The following IER3IP1 variants were observed in gnomAD, a reference collection of about 807,000 sequenced individuals.
The protein encoded by IER3IP1 is immediate early response 3 interacting protein 1.
Under a neutral mutation model 12.2 loss-of-function variants are expected in IER3IP1, and 16 were observed. The observed-to-expected ratio is 1.31, with a 90% CI of 0.89 to 1.99. The LOEUF (loss-of-function observed/expected upper bound fraction) is 1.99. Among genes scored for constraint, IER3IP1 ranks in the 30% most tolerant of loss-of-function variants. The probability of loss-of-function intolerance (pLI) is 0.00; values close to 1 mark genes in which losing one functional copy is unlikely to be tolerated. For missense variants in IER3IP1, 95 were observed against 95.8 expected (o/e 0.99, Z 0.03); for synonymous variants, 42 against 40.0 (o/e 1.05, Z -0.19).
chr18:47,176,010 T>C (rs1038392379), intron 1 of IER3IP1, among the ~76,000 whole-genome samples, 177 bp downstream of exon 1: 2 of 152,120 alleles, frequency 1.3e-5, no homozygotes, highest in African/African-American at 2.4e-5. Context: ...CTGTTGAATA[T>C]TCTCCCGGCT....
At chr18:47,173,998 T>C (rs926228589) in intron 1 of IER3IP1, among the ~76,000 whole-genome samples, 3 of 152,252 alleles carry the variant, frequency 2.0e-5, no homozygotes, top group Non-Finnish European at 2.9e-5. Flanking sequence ...TAACCCAGTA[T>C]GATCTCATCT....
intron 1 of IER3IP1, among the ~76,000 whole-genome samples, chr18:47,168,964 T>C (rs559530581): frequency 6.6e-6 from 1 of 152,344 alleles, no homozygotes; most frequent in African/African-American, 2.4e-5. Flanking sequence ...TTCATACATA[T>C]AATTAAATGG....
In IER3IP1 at chr18:47,176,248, C is replaced by T. The variant is rs375955429; in HGVS notation, c.30G>A (p.Gln10=). Residue 10 remains glutamine, a synonymous_variant, in exon 1 of 3, where the codon CAG becomes CAA. Transcript: ENST00000256433. ...TGGCGTTGACGCAGAGCAGGGCTGCCTGCAGCAGTGAGTACAGGGTAAAGG... is the reference window on the plus strand; with the variant it reads ...TGGCGTTGACGCAGAGCAGGGCTGCTTGCAGCAGTGAGTACAGGGTAAAGG... MAFTLYSLL[Q]AALLCVNAIA... 1 of 1,609,454 alleles carries T rather than the reference C, an allele frequency of 6.2e-7. No individual in the cohort carries two copies. The highest frequency in any genetic ancestry group is 8.5e-7 in the Non-Finnish European group (1 of 1,178,188).
chr18:47,174,720 T>C (rs1379034112), intron 1 of IER3IP1, among the ~76,000 whole-genome samples: 2 of 151,860 alleles, frequency 1.3e-5, no homozygotes, highest in Non-Finnish European at 2.9e-5. Flanking sequence ...CCTTCCAATC[T>C]TTCCTCCGTA....
At chr18:47,161,977 C>G (rs2063981323) in intron 1 of IER3IP1, among the ~76,000 whole-genome samples, 1 of 151,874 alleles carries the variant, frequency 6.6e-6, no homozygotes, top group African/African-American at 2.4e-5. Context: ...GGTTCATGTT[C>G]CTATGAGAAT....
intron 1 of IER3IP1, among the ~76,000 whole-genome samples, chr18:47,168,108 A>G (rs1283299847): frequency 7.3e-5 from 10 of 136,954 alleles, no homozygotes; most frequent in Non-Finnish European, 1.5e-4. Context: ...CCTGGGTGAC[A>G]GAGCAAGACT....
intron 1 of IER3IP1, among the ~76,000 whole-genome samples, chr18:47,160,915 T>A (rs1434974958): frequency 6.6e-6 from 1 of 152,218 alleles, no homozygotes. Context: ...GTCTTTTACA[T>A]TCTTTTGTTA....
chr18:47,174,941 C>A (rs77354909), intron 1 of IER3IP1, among the ~76,000 whole-genome samples: 13,253 of 152,218 alleles, frequency 0.087, 756 homozygotes, highest in Non-Finnish European at 0.13. Context: ...AAGAAGCTTT[C>A]GCAGATACAC....
At position 47,176,330 on chromosome 18, in the gene IER3IP1, G is replaced by T. The variant is rs557625958; in HGVS notation, c.-53C>A. 162 of 1,492,732 alleles carry T rather than the reference G, an allele frequency of 1.1e-4. No individual in the cohort carries two copies. In the African/African-American group the frequency reaches 2.1e-3, roughly 20 times the overall value. The allele number at this position is 1,492,732 out of a possible 1,614,324, so 92.5% of individuals were successfully genotyped here. ...AGCGATTTCTCTCCCGCCGCCGCAA[G>T]GGACGTGGCGCCTCCACGGCCGGCG... On this transcript the variant is annotated 5_prime_UTR_variant, in exon 1 of 3. Transcript: ENST00000256433.
intron 1 of IER3IP1, among the ~76,000 whole-genome samples, chr18:47,164,133 G>GAA (rs142631699): frequency 1.3e-5 from 2 of 148,230 alleles, no homozygotes; most frequent in African/African-American, 5.0e-5. Flanking sequence ...GTGACTCCCA[G>GAA]AAAAAAAAAA....
intron 2 of IER3IP1, chr18:47,157,158 A>G (rs2063963301): frequency 2.4e-6 from 1 of 411,262 alleles, no homozygotes; most frequent in African/African-American, 2.1e-5. Context: ...TCCAAAAGGC[A>G]AGAATATAAT....
At chr18:47,156,279 G>GA (rs1178714861) in intron 2 of IER3IP1, 47 bp from the exon 3 acceptor site, 9 of 998,062 alleles carry the variant, frequency 9.0e-6, no homozygotes, top group African/African-American at 3.3e-5. Flanking sequence ...AAAAAACAGA[G>GA]AAAAAACCAG....
intron 1 of IER3IP1, among the ~76,000 whole-genome samples, chr18:47,168,141 AAAAAAAAAAAAAAAT>A (rs1480719290): frequency 2.1e-5 from 3 of 142,468 alleles, no homozygotes; most frequent in East Asian, 2.0e-4. Context: ...AAAAAAAAAA[AAAAAAAAAAAAAAAT>A]TTTAGCTAGG....
chr18:47,170,263 A>G (rs1188789280), intron 1 of IER3IP1, among the ~76,000 whole-genome samples: 2 of 152,072 alleles, frequency 1.3e-5, no homozygotes, highest in African/African-American at 4.8e-5. Context: ...TCATTGATCT[A>G]TGTCTCCCCT....
chr18:47,173,393 T>C (rs1006701039), intron 1 of IER3IP1, among the ~76,000 whole-genome samples: 1 of 152,104 alleles, frequency 6.6e-6, no homozygotes, highest in Non-Finnish European at 1.5e-5. Flanking sequence ...GTCACCCAGG[T>C]TGGAGTGCAG....
intron 1 of IER3IP1, among the ~76,000 whole-genome samples, chr18:47,173,966 A>G (rs1468575350): frequency 6.6e-6 from 1 of 152,190 alleles, no homozygotes; most frequent in East Asian, 1.9e-4. Flanking sequence ...GGCACCAGTC[A>G]TTGGCTCTAA....
chr18:47,156,122 G>A lies in IER3IP1; in HGVS notation c.*55C>T. ...TATAAATATTCCAATAATGACCAAA[G>A]TAATAACTTCTACTGGCATGTCCTC... On this transcript the variant is annotated 3_prime_UTR_variant, in exon 3 of 3. Transcript: ENST00000256433. 1 of 1,077,840 alleles carries A rather than the reference G, an allele frequency of 9.3e-7. No individual in the cohort carries two copies. Among genetic ancestry groups the A allele is most frequent in the Non-Finnish European group, 1.4e-6 (1 of 694,980 alleles). The allele number at this position is 1,077,840 out of a possible 1,614,324, so 66.8% of individuals were successfully genotyped here. A position where few individuals can be genotyped will look rare whatever the true frequency, so the allele number is the denominator to read the frequency against.
At chr18:47,162,510 G>T (rs1169107943) in intron 1 of IER3IP1, among the ~76,000 whole-genome samples, 2 of 152,052 alleles carry the variant, frequency 1.3e-5, no homozygotes, top group Non-Finnish European at 2.9e-5. Context: ...AACAAAAACA[G>T]AATACCCTAA....
At position 47,176,318 on chromosome 18, in the gene IER3IP1, C is replaced by A. The variant is rs747373112; in HGVS notation, c.-41G>T. 1.3e-6 allele frequency: 2 copies of A among 1,539,686 alleles called. No homozygotes were observed. Among genetic ancestry groups the A allele is most frequent in the South Asian group, 1.2e-5 (1 of 85,574 alleles). ...CCCCGAAGTCCAAGCGATTTCTCTC[C>A]CGCCGCCGCAAGGGACGTGGCGCCT... On this transcript the variant is annotated 5_prime_UTR_variant, in exon 1 of 3. Transcript: ENST00000256433.
Sources: gnomAD v4.1 joint callset for allele counts (sites outside exome capture counted in the v4.1 genomes callset) on GRCh38, gnomAD v4.1.1 for gene constraint, MANE v1.5 for transcripts, NCBI Gene and HGNC (gene_info 2026-07-23, HGNC 2026-07-21) for gene names.